BOK: variants seen among roughly 807,000 people sequenced by gnomAD.
BOK encodes the protein BCL2 family apoptosis regulator BOK, also known as bcl-2-related ovarian killer protein.
BOK carries 20 observed loss-of-function variants against 18.3 expected under a neutral mutation model. The ratio of observed to expected loss-of-function variants is 1.09; its 90% CI spans 0.77 to 1.59. BOK has a LOEUF of 1.59. BOK is among the 40% of genes most tolerant of loss of function. BOK has a pLI of 0.00. For synonymous variants in BOK, 173 were observed against 142.4 expected, an observed-to-expected ratio of 1.21 and a Z score of -1.53; for missense variants, 348 against 307.9, an observed-to-expected ratio of 1.13 and a Z score of -0.97.
In BOK at chr2:241,562,408, T is replaced by C. The variant is rs1214424984; in HGVS notation, c.281T>C (p.Ile94Thr). The change falls in exon 3 of 5, where the codon ATC becomes ACC. Residue 94 changes from isoleucine (I) to threonine (T), a missense_variant. Transcript: ENST00000318407. This position sits in a 1 kb window ranked among gnomAD's most constrained non-coding sequence, Gnocchi z 4.5. ...CGCAACGTGGCGCGTCAGCTGCACA[T>C]CTCCCTGCAGTCTGAGCCTGTGGTG... ...VYRNVARQLH[I>T]SLQSEPVVTD... 2 of 1,612,150 alleles carry C rather than the reference T, an allele frequency of 1.2e-6. No individual in the cohort carries two copies. The highest frequency in any genetic ancestry group is 1.7e-6 in the Non-Finnish European group (2 of 1,179,872).
At chr2:241,571,920 C>T (rs1385619849) in intron 4 of BOK, among the ~76,000 whole-genome samples, 2 of 152,206 alleles carry the variant, frequency 1.3e-5, no homozygotes, top group African/African-American at 2.4e-5. Context: ...CGGCGGCATA[C>T]CTGTAGCCCC....
upstream of BOK, among the ~76,000 whole-genome samples, chr2:241,556,160 T>C (rs1417905270): frequency 4.6e-5 from 7 of 152,234 alleles, no homozygotes. Context: ...AGGCGCACAC[T>C]GTCCAAGGAG....
chr2:241,572,551 C>T lies in BOK; in HGVS notation c.*129C>T. The T allele has an allele frequency of 1.4e-6, 2 of 1,385,378 alleles. No homozygotes were observed. Among genetic ancestry groups the T allele is most frequent in the Non-Finnish European group, 1.9e-6 (2 of 1,035,184 alleles). 85.8% of individuals were successfully genotyped at this position (1,385,378 alleles called of 1,614,324 possible). Reference sequence around the variant, plus strand: ...TCTAACCCTCGGAGACCCCCTAAGCCCCGTTCCTCCGCAGACCCAGGCCCT... The same window carrying T: ...TCTAACCCTCGGAGACCCCCTAAGCTCCGTTCCTCCGCAGACCCAGGCCCT... On this transcript the variant is annotated 3_prime_UTR_variant, in exon 5 of 5. Coordinates refer to ENST00000318407, the MANE Select transcript of BOK (RefSeq NM_032515.5).
At chr2:241,555,438 T>C (rs2125041685), upstream of BOK, among the ~76,000 whole-genome samples, 1 of 151,820 alleles carries the variant, frequency 6.6e-6, no homozygotes, top group East Asian at 1.9e-4. Flanking sequence ...TGCAGTGGCA[T>C]GAGCTCGGCT....
chr2:241,554,022 T>C (rs373599353), upstream of BOK, among the ~76,000 whole-genome samples: 50 of 152,270 alleles, frequency 3.3e-4, no homozygotes, highest in African/African-American at 1.2e-3. Flanking sequence ...GCATCTGAGA[T>C]TTGCAGCCGG....
At chr2:241,565,322 C>T (rs1393548632) in intron 3 of BOK, among the ~76,000 whole-genome samples, 3 of 152,076 alleles carry the variant, frequency 2.0e-5, no homozygotes. Context: ...CCAAGAGCCT[C>T]GTGACCTGCA....
intron 1 of BOK, among the ~76,000 whole-genome samples, chr2:241,553,075 G>A (rs1343517539): frequency 2.6e-5 from 4 of 152,264 alleles, no homozygotes; most frequent in Non-Finnish European, 1.5e-5. Flanking sequence ...ACCGACCCCC[G>A]TGGCCTGCAG....
At chr2:241,572,097 G>A (rs576386942) in intron 4 of BOK, among the ~76,000 whole-genome samples, 200 bp from the exon 5 acceptor site, 2 of 152,376 alleles carry the variant, frequency 1.3e-5, no homozygotes, top group Admixed American at 1.3e-4. Flanking sequence ...CCTTCACACT[G>A]TCTGAATGTG....
intron 1 of BOK, among the ~76,000 whole-genome samples, chr2:241,553,123 GCA>G (rs2066426316): frequency 2.0e-5 from 3 of 151,826 alleles, no homozygotes; most frequent in Non-Finnish European, 2.9e-5. Context: ...CCCCGGCATG[GCA>G]TCCCCAGTGT....
upstream of BOK, among the ~76,000 whole-genome samples, chr2:241,556,551 C>A (rs2066451699): frequency 7.3e-6 from 1 of 137,738 alleles, no homozygotes; most frequent in African/African-American, 2.9e-5. Context: ...CCATTGCACT[C>A]CAGCCTGGCA....
chr2:241,553,865 G>A (rs1450650407), upstream of BOK, among the ~76,000 whole-genome samples: 1 of 152,206 alleles, frequency 6.6e-6, no homozygotes, highest in Non-Finnish European at 1.5e-5. Context: ...GTACCCCTCA[G>A]TGAGGGAAGT....
At chr2:241,571,701 C>T (rs2066723639) in intron 4 of BOK, among the ~76,000 whole-genome samples, 1 of 152,212 alleles carries the variant, frequency 6.6e-6, no homozygotes, top group African/African-American at 2.4e-5. Flanking sequence ...CAGGTCCAGG[C>T]TGCAGGGAAA....
At chr2:241,560,182 A>T in intron 2 of BOK, 1 of 985,348 alleles carries the variant, frequency 1.0e-6, no homozygotes, top group Non-Finnish European at 1.2e-6. Context: ...AAACCTCAGT[A>T]TTCGTTGGTG....
At chr2:241,566,367 C>T (rs1471301600) in intron 3 of BOK, among the ~76,000 whole-genome samples, 6 of 148,704 alleles carry the variant, frequency 4.0e-5, no homozygotes, top group South Asian at 2.1e-4. Flanking sequence ...GGTGCGATCT[C>T]GGCTCACTGC....
Position 241,562,049 on chromosome 2 carries a change from C to T in BOK, c.221-299C>T, listed in dbSNP as rs1306445919. On this transcript the variant is annotated intron_variant, in intron 2 of 4. Coordinates refer to ENST00000318407, the MANE Select transcript of BOK (RefSeq NM_032515.5). This position sits in a 1 kb window ranked among gnomAD's most constrained non-coding sequence, Gnocchi z 4.5. ...CACCAGCAGGCACGGCCCACGCTCT[C>T]GCAGGATTCCCGCCCCACCGGCTTG... 6.6e-6 allele frequency among the ~76,000 whole-genome samples: 1 copy of T among 152,226 alleles called. No homozygotes were observed. The highest frequency in any genetic ancestry group is 1.5e-5 in the Non-Finnish European group (1 of 68,038).
In BOK at chr2:241,559,666, ACGCCTGGCTGAGGTGTG is replaced by A. The variant is rs774854281; in HGVS notation, c.187_203del (p.Leu63GlyfsTer8). Reference sequence around the variant, plus strand: ...CCGAGCGTGCCGCGCCGGTCCCGGGACGCCTGGCTGAGGTGTGCGCGGTGCTGCTGCGCCTGGGTGAG... The same window carrying A: ...CCGAGCGTGCCGCGCCGGTCCCGGGACGCGGTGCTGCTGCGCCTGGGTGAG... On this transcript the variant is annotated frameshift_variant, in exon 2 of 5. Coordinates refer to ENST00000318407, the MANE Select transcript of BOK (RefSeq NM_032515.5). LOFTEE classifies it high-confidence loss of function. 2.0e-5 allele frequency: 28 copies of A among 1,379,090 alleles called. No individual in the cohort carries two copies. Among genetic ancestry groups the A allele is most frequent in the Non-Finnish European group, 2.6e-5 (28 of 1,075,436 alleles). The allele number at this position is 1,379,090 out of a possible 1,614,324, so 85.4% of individuals were successfully genotyped here. A position where few individuals can be genotyped will look rare whatever the true frequency, so the allele number is the denominator to read the frequency against.
rs961875254 is a variant in BOK, at chr2:241,558,816, C to T, written c.-207C>T. 2.0e-5 allele frequency: 3 copies of T among 152,048 alleles called. No homozygotes were observed. The highest frequency in any genetic ancestry group is 4.4e-5 in the Non-Finnish European group (3 of 68,028). 9.4% of individuals were successfully genotyped at this position (152,048 alleles called of 1,614,324 possible). A position where few individuals can be genotyped will look rare whatever the true frequency, so the allele number is the denominator to read the frequency against. Reference sequence around the variant, plus strand: ...CCCCGACGCCGCGGCAGGAGCCCCCCAAGAGCGCGGGAAGCCCCGTGGACC... The same window carrying T: ...CCCCGACGCCGCGGCAGGAGCCCCCTAAGAGCGCGGGAAGCCCCGTGGACC... On this transcript the variant is annotated 5_prime_UTR_variant, in exon 1 of 5. Transcript: ENST00000318407.
At position 241,570,365 on chromosome 2, in the gene BOK, G is replaced by T. The variant is rs2066697202; in HGVS notation, c.513+77G>T. 3.5e-6 allele frequency: 5 copies of T among 1,424,502 alleles called. No individual in the cohort carries two copies. In the Admixed American group the frequency reaches 1.3e-4, roughly 37 times the overall value. 88.2% of individuals were successfully genotyped at this position (1,424,502 alleles called of 1,614,324 possible). ...GAGGTACAGGAGGGAGTGGTGGATG[G>T]GTGAGCCTCTGAGCGCCTGGGGGGT... On this transcript the variant is annotated intron_variant, in intron 4 of 4. Transcript: ENST00000318407.
chr2:241,569,165 C>G (rs746923600), intron 3 of BOK, among the ~76,000 whole-genome samples: 2 of 152,252 alleles, frequency 1.3e-5, no homozygotes, highest in Non-Finnish European at 2.9e-5. Context: ...GGGTCTCGCT[C>G]TGTCGCCCAG....
Sources: allele counts gnomAD v4.1 joint callset (sites outside exome capture counted in the v4.1 genomes callset), GRCh38; gene constraint gnomAD v4.1.1; non-coding constraint Gnocchi (gnomAD v3.1); transcripts MANE v1.5; gene names NCBI Gene and HGNC (gene_info 2026-07-23, HGNC 2026-07-21).